Variants in GTF2A1L observed in about 807,000 individuals in gnomAD.
GTF2A1L encodes TFIIA-alpha and beta-like factor.
GTF2A1L carries 48 observed loss-of-function variants against 49.7 expected under a neutral mutation model. That is an observed-to-expected ratio of 0.97 (90% CI 0.77 to 1.23). The LOEUF is 1.23. Among genes scored for constraint, GTF2A1L ranks in the 50% most tolerant of loss-of-function variants. The pLI is 0.00. For missense variants in GTF2A1L, 736 were observed against 564.8 expected (o/e 1.30, Z -3.07); for synonymous variants, 246 against 193.5 (o/e 1.27, Z -2.25).
chr2:48,659,982 C>T (rs1454767299), intron 6 of GTF2A1L, among the ~76,000 whole-genome samples: 2 of 152,082 alleles, frequency 1.3e-5, no homozygotes, highest in Non-Finnish European at 2.9e-5. Flanking sequence ...TTTTACTTGC[C>T]TAATCATCCT....
At chr2:48,645,644 C>G (rs916547367) in intron 5 of GTF2A1L, among the ~76,000 whole-genome samples, 1 of 152,116 alleles carries the variant, frequency 6.6e-6, no homozygotes, top group Non-Finnish European at 1.5e-5. Context: ...TAACTCAACA[C>G]TCAAAAATAA....
At position 48,633,006 on chromosome 2, in the gene GTF2A1L, C is replaced by T. The variant is rs1676669782; in HGVS notation, c.248-9396C>T. 1.3e-5 allele frequency: 3 copies of T among 230,250 alleles called. No individual in the cohort carries two copies. The South Asian group carries it at 1.9e-4, about 15-fold the overall frequency. The allele number at this position is 230,250 out of a possible 1,614,324, so 14.3% of individuals were successfully genotyped here. ...AGTAAGATGTGCTTGGTTTGTTCTA[C>T]AGCTTCTGTCATAAAAGGTTTTACT... is the stretch of plus-strand genomic sequence containing the variant. On this transcript the variant is annotated intron_variant, in intron 3 of 8. Coordinates refer to ENST00000403751, the MANE Select transcript of GTF2A1L (RefSeq NM_006872.5).
intron 7 of GTF2A1L, among the ~76,000 whole-genome samples, chr2:48,671,082 A>G (rs1349640095): frequency 1.3e-5 from 2 of 151,828 alleles, no homozygotes; most frequent in Non-Finnish European, 2.9e-5. Flanking sequence ...TTGGCCTTTC[A>G]AAGTGCTGGG....
At chr2:48,665,762 C>G (rs904178688) in intron 6 of GTF2A1L, among the ~76,000 whole-genome samples, 1 of 151,936 alleles carries the variant, frequency 6.6e-6, no homozygotes, top group South Asian at 2.1e-4. Flanking sequence ...GATATGTGCT[C>G]TTGAAGCTAT....
chr2:48,653,787 G>A (rs1220751090), intron 6 of GTF2A1L, among the ~76,000 whole-genome samples: 1 of 152,010 alleles, frequency 6.6e-6, no homozygotes, highest in Non-Finnish European at 1.5e-5. Context: ...ACAAAAATTA[G>A]CTGGGCATGG....
intron 6 of GTF2A1L, among the ~76,000 whole-genome samples, chr2:48,661,860 A>G (rs1461155710): frequency 6.6e-6 from 1 of 152,114 alleles, no homozygotes; most frequent in African/African-American, 2.4e-5. Flanking sequence ...CTTCTAAACT[A>G]TGTCTTTTGA....
At position 48,646,598 on chromosome 2, in the gene GTF2A1L, G is replaced by C; in HGVS notation, c.534G>C (p.Trp178Cys). ...CTAGTGTTCCACAATTGAATCCATGGTCTCTTCAAGCAACTACTGAAAAAT... is the reference window on the plus strand; with the variant it reads ...CTAGTGTTCCACAATTGAATCCATGCTCTCTTCAAGCAACTACTGAAAAAT... The part of the protein sequence containing the change: ...IQTSVPQLNP[W>C]SLQATTEKSQ... The change falls in exon 6 of 9, where the codon TGG becomes TGC. Residue 178 changes from tryptophan (W) to cysteine (C), a missense_variant. Physicochemically the swap from Trp to Cys is radical, Grantham distance 215. Coordinates refer to ENST00000403751, the MANE Select transcript of GTF2A1L (RefSeq NM_006872.5). 1 of 1,614,016 alleles carries C rather than the reference G, an allele frequency of 6.2e-7. No individual in the cohort carries two copies. The highest frequency in any genetic ancestry group is 8.5e-7 in the Non-Finnish European group (1 of 1,180,014).
chr2:48,650,364 C>T (rs1473750928), intron 6 of GTF2A1L, among the ~76,000 whole-genome samples: 5 of 151,870 alleles, frequency 3.3e-5, no homozygotes, highest in Admixed American at 1.3e-4. Flanking sequence ...TGGAATGAGG[C>T]TTAGTCATCA....
chr2:48,657,091 T>C (rs1678221987), intron 6 of GTF2A1L, among the ~76,000 whole-genome samples: 2 of 152,218 alleles, frequency 1.3e-5, no homozygotes, highest in South Asian at 4.1e-4. Flanking sequence ...TTTTAATTTT[T>C]ATTATTTATC....
intron 6 of GTF2A1L, among the ~76,000 whole-genome samples, chr2:48,661,643 G>A (rs1678506412): frequency 6.6e-6 from 1 of 151,962 alleles, no homozygotes; most frequent in Non-Finnish European, 1.5e-5. Flanking sequence ...TTATCATTAT[G>A]TGATTAAAAA....
intron 3 of GTF2A1L, among the ~76,000 whole-genome samples, chr2:48,629,240 CAAA>C (rs111629981): frequency 8.6e-6 from 1 of 116,112 alleles, no homozygotes; most frequent in Non-Finnish European, 1.9e-5. Flanking sequence ...GACTCCGTCT[CAAA>C]AAAAAAAAAA....
At chr2:48,675,888 A>G (rs1324994532) in intron 8 of GTF2A1L, among the ~76,000 whole-genome samples, 1 of 151,756 alleles carries the variant, frequency 6.6e-6, no homozygotes, top group East Asian at 1.9e-4. Flanking sequence ...ATATCTCTCT[A>G]TATAATAGTC....
intron 6 of GTF2A1L, among the ~76,000 whole-genome samples, chr2:48,662,620 T>A (rs1678576200): frequency 6.6e-6 from 1 of 151,598 alleles, no homozygotes. Flanking sequence ...TGTTGAAAGA[T>A]AATTTTGCCA....
At position 48,643,207 on chromosome 2, in the gene GTF2A1L, T is replaced by G. The variant is rs958401428; in HGVS notation, c.303+750T>G. Among the ~76,000 whole-genome samples the G allele has an allele frequency of 3.9e-5, 6 of 152,214 alleles. No homozygotes were observed. The South Asian group carries it at 1.2e-3, about 32-fold the overall frequency. ...TTTGTCATTTTGTACCTTCGTGAAG[T>G]ATAGCTTGTTTATATTTTCCCCCTT... is the stretch of plus-strand genomic sequence containing the variant. On this transcript the variant is annotated intron_variant, in intron 4 of 8. Transcript: ENST00000403751.
In GTF2A1L at chr2:48,669,765, A is replaced by T. The variant is rs759392088; in HGVS notation, c.1022A>T (p.Asp341Val). 5.0e-6 allele frequency: 8 copies of T among 1,613,834 alleles called. No homozygotes were observed. The highest frequency in any genetic ancestry group is 1.7e-4 in the Middle Eastern group (1 of 6,058). The change falls in exon 7 of 9, where the codon GAT (aspartate) becomes GTT (valine). Residue 341 changes from aspartate to valine, a missense_variant. Coordinates refer to ENST00000403751, the MANE Select transcript of GTF2A1L (RefSeq NM_006872.5). ...GATTTAAGCATTCGGGTTACTGATGATGATATTGGTGAAATAATTCAAGTA... is the reference window on the plus strand; with the variant it reads ...GATTTAAGCATTCGGGTTACTGATGTTGATATTGGTGAAATAATTCAAGTA... ...QVDLSIRVTD[D>V]DIGEIIQVDG...
chr2:48,636,701 A>C (rs1676907791), intron 3 of GTF2A1L, among the ~76,000 whole-genome samples: 1 of 152,194 alleles, frequency 6.6e-6, no homozygotes, highest in Admixed American at 6.5e-5. Context: ...ACACTCCGAG[A>C]ACTGTTGTTC....
At chr2:48,650,303 G>A (rs1297333370) in intron 6 of GTF2A1L, among the ~76,000 whole-genome samples, 1 of 151,856 alleles carries the variant, frequency 6.6e-6, no homozygotes. Context: ...AAATCATTGG[G>A]CCATTAAAAA....
chr2:48,641,518 A>T (rs1291397808), intron 3 of GTF2A1L, among the ~76,000 whole-genome samples: 1 of 152,210 alleles, frequency 6.6e-6, no homozygotes, highest in East Asian at 1.9e-4. Flanking sequence ...ACATTAACAT[A>T]TAAACATGCT....
At chr2:48,664,487 AT>A (rs1678705953) in intron 6 of GTF2A1L, among the ~76,000 whole-genome samples, 1 of 151,414 alleles carries the variant, frequency 6.6e-6, no homozygotes, top group East Asian at 1.9e-4. Flanking sequence ...TTCGTTGTGG[AT>A]TTTTGCTTCT....
Sources: gnomAD v4.1 joint callset for allele counts (sites outside exome capture counted in the v4.1 genomes callset) on GRCh38, gnomAD v4.1.1 for gene constraint, MANE v1.5 for transcripts, NCBI Gene and HGNC (gene_info 2026-07-23, HGNC 2026-07-21) for gene names.